The following CAMKMT variants were observed in gnomAD, a reference collection of about 807,000 sequenced individuals.
The protein encoded by CAMKMT is calmodulin-lysine N-methyltransferase, also known as CaM KMT.
In CAMKMT, 53 loss-of-function variants were observed where a neutral mutation model predicts 48.0. The ratio of observed to expected loss-of-function variants is 1.10; its 90% CI spans 0.89 to 1.39. The LOEUF is 1.39. CAMKMT is among the 40% of genes most tolerant of loss of function. CAMKMT has a pLI of 0.00. For synonymous variants in CAMKMT, 165 were observed against 152.3 expected, an observed-to-expected ratio of 1.08 and a Z score of -0.61; for missense variants, 428 against 402.7, an observed-to-expected ratio of 1.06 and a Z score of -0.54.
chr2:44,707,545 G>A, intron 6 of CAMKMT, 83 bp downstream of exon 6: 1 of 1,161,396 alleles, frequency 8.6e-7, no homozygotes, highest in Non-Finnish European at 1.3e-6. Flanking sequence ...AAGAAAGACA[G>A]CATGGGGTAT....
At chr2:44,464,004 G>T (rs1298386663) in intron 3 of CAMKMT, among the ~76,000 whole-genome samples, 1 of 152,110 alleles carries the variant, frequency 6.6e-6, no homozygotes, top group Non-Finnish European at 1.5e-5. Flanking sequence ...AAGAAACAGA[G>T]ATCTATTAGT....
intron 2 of CAMKMT, among the ~76,000 whole-genome samples, chr2:44,387,364 G>T (rs767580375): frequency 1.3e-5 from 2 of 151,580 alleles, no homozygotes; most frequent in Non-Finnish European, 3.0e-5. Context: ...CCATTTGCAT[G>T]AAATGCCTTT....
intron 7 of CAMKMT, among the ~76,000 whole-genome samples, chr2:44,740,356 C>T (rs954777513): frequency 6.6e-6 from 1 of 151,996 alleles, no homozygotes. Context: ...TCTCGAGCTC[C>T]TAGGCTTAAG....
chr2:44,420,919 C>A (rs186224900), intron 3 of CAMKMT, among the ~76,000 whole-genome samples: 1 of 151,390 alleles, frequency 6.6e-6, no homozygotes, highest in African/African-American at 2.4e-5. Context: ...CAGAGCTTTT[C>A]GCTATTGTTC....
chr2:44,666,275 A>AT, intron 3 of CAMKMT, among the ~76,000 whole-genome samples: 1 of 152,168 alleles, frequency 6.6e-6, no homozygotes, highest in East Asian at 1.9e-4. Flanking sequence ...CAAGTCATTG[A>AT]TTTTCTAAAA....
In CAMKMT at chr2:44,768,361, A is replaced by ATATATATATATATATATATAT. The variant is rs35058824; in HGVS notation, c.894+1801_894+1802insATATATATATATATATATATT. Among the ~76,000 whole-genome samples, 22 of 115,726 alleles carry ATATATATATATATATATATAT rather than the reference A, an allele frequency of 1.9e-4. 1 individual carries two copies. Among genetic ancestry groups the ATATATATATATATATATATAT allele is most frequent in the African/African-American group, 7.8e-4 (21 of 26,980 alleles). 75.9% of individuals were successfully genotyped at this position (115,726 alleles called of 152,430 possible). ...GCCCATGATATATATATATATATATATTTTTTTTTTTTTTTTAATAATGAG... is the reference window on the plus strand; with the variant it reads ...GCCCATGATATATATATATATATATATATATATATATATATATATATTTTTTTTTTTTTTTTTAATAATGAG... On this transcript the variant is annotated intron_variant, in intron 10 of 10. Coordinates refer to ENST00000378494, the MANE Select transcript of CAMKMT (RefSeq NM_024766.5).
intron 3 of CAMKMT, among the ~76,000 whole-genome samples, chr2:44,536,765 A>T (rs1201675540): frequency 1.3e-5 from 2 of 152,212 alleles, no homozygotes; most frequent in African/African-American, 4.8e-5. Context: ...TTTAAAGTAT[A>T]TTACAAGGAT....
intron 3 of CAMKMT, among the ~76,000 whole-genome samples, chr2:44,621,566 G>A (rs1352629323): frequency 1.3e-5 from 2 of 152,186 alleles, no homozygotes; most frequent in Admixed American, 6.5e-5. Context: ...ATACAAAGGA[G>A]CTGAAAGAAG....
At chr2:44,748,866 TAG>T (rs1407433427) in intron 8 of CAMKMT, among the ~76,000 whole-genome samples, 2 of 152,264 alleles carry the variant, frequency 1.3e-5, no homozygotes, top group African/African-American at 4.8e-5. Flanking sequence ...AGGAATAAAA[TAG>T]AGAGTCCTGA....
At chr2:44,404,828 A>G (rs1682668048) in intron 3 of CAMKMT, among the ~76,000 whole-genome samples, 1 of 151,960 alleles carries the variant, frequency 6.6e-6, no homozygotes, top group South Asian at 2.1e-4. Context: ...TCTCCATTGC[A>G]GAGAGCTTAG....
chr2:44,573,891 A>G (rs1377976479), intron 3 of CAMKMT, among the ~76,000 whole-genome samples: 1 of 152,178 alleles, frequency 6.6e-6, no homozygotes, highest in Non-Finnish European at 1.5e-5. Flanking sequence ...CTATTTCTGA[A>G]TACTCTATTA....
intron 7 of CAMKMT, among the ~76,000 whole-genome samples, chr2:44,728,388 A>G (rs1313800401): frequency 6.6e-6 from 1 of 152,074 alleles, no homozygotes; most frequent in African/African-American, 2.4e-5. Context: ...TCCTTTTATC[A>G]TTGTGTCTTT....
chr2:44,455,320 T>C (rs1667506830), intron 3 of CAMKMT, among the ~76,000 whole-genome samples: 1 of 152,142 alleles, frequency 6.6e-6, no homozygotes, highest in Non-Finnish European at 1.5e-5. Flanking sequence ...AGTGGATGCT[T>C]TCTGTGTTAT....
chr2:44,673,546 C>T (rs1343966915), intron 3 of CAMKMT, among the ~76,000 whole-genome samples: 1 of 146,180 alleles, frequency 6.8e-6, no homozygotes, highest in Non-Finnish European at 1.5e-5. Context: ...ATCTATACAC[C>T]CAAAAACCTA....
At chr2:44,424,980 A>G (rs1684186327) in intron 3 of CAMKMT, among the ~76,000 whole-genome samples, 1 of 152,232 alleles carries the variant, frequency 6.6e-6, no homozygotes, top group South Asian at 2.1e-4. Context: ...TGGGATATAC[A>G]TGATCTAGAA....
intron 3 of CAMKMT, among the ~76,000 whole-genome samples, chr2:44,606,483 C>G (rs928603010): frequency 5.9e-5 from 9 of 152,134 alleles, no homozygotes; most frequent in East Asian, 1.9e-4. Context: ...CAGACTGGTA[C>G]TAGCCTATGA....
At chr2:44,620,343 A>G (rs1325706368) in intron 3 of CAMKMT, among the ~76,000 whole-genome samples, 1 of 151,790 alleles carries the variant, frequency 6.6e-6, no homozygotes, top group Non-Finnish European at 1.5e-5. Flanking sequence ...CACTCTTATC[A>G]CTACCTTTAA....
chr2:44,580,988 G>A (rs1302903606), intron 3 of CAMKMT, among the ~76,000 whole-genome samples: 1 of 151,970 alleles, frequency 6.6e-6, no homozygotes, highest in Non-Finnish European at 1.5e-5. Flanking sequence ...ATGCTGGTGG[G>A]ATTATTACTC....
At chr2:44,759,848 C>T (rs1680540336) in intron 9 of CAMKMT, among the ~76,000 whole-genome samples, 1 of 152,240 alleles carries the variant, frequency 6.6e-6, no homozygotes, top group Non-Finnish European at 1.5e-5. Context: ...AAAGACGTTG[C>T]AGTCTGGTTG....
Sources: gnomAD v4.1 joint callset for allele counts (sites outside exome capture counted in the v4.1 genomes callset) on GRCh38, gnomAD v4.1.1 for gene constraint, MANE v1.5 for transcripts, NCBI Gene and HGNC (gene_info 2026-07-23, HGNC 2026-07-21) for gene names.